The following TLE4 variants were observed in gnomAD, a reference collection of about 807,000 sequenced individuals.
The protein encoded by TLE4 is TLE family member 4, transcriptional corepressor.
TLE4 carries 8 observed loss-of-function variants against 92.8 expected under a neutral mutation model. The observed-to-expected ratio is 0.09, with a 90% CI of 0.05 to 0.16. The LOEUF (loss-of-function observed/expected upper bound fraction) is 0.16, where lower values mean the gene tolerates loss of function less well. Among genes scored for constraint, TLE4 ranks in the 10% least tolerant of loss-of-function variants. The pLI is 1.00. For synonymous variants in TLE4, 371 were observed against 374.1 expected (o/e 0.99, Z 0.10); for missense variants, 675 against 997.6 (o/e 0.68, Z 4.36).
intron 4 of TLE4, among the ~76,000 whole-genome samples, chr9:79,598,301 C>T (rs569203688): frequency 1.3e-5 from 2 of 151,926 alleles, no homozygotes; most frequent in Admixed American, 6.6e-5. Flanking sequence ...ATGCAATAGC[C>T]TCCTAACTGG....
chr9:79,579,227 A>G (rs1040580775), intron 4 of TLE4, among the ~76,000 whole-genome samples: 2 of 152,154 alleles, frequency 1.3e-5, no homozygotes, highest in African/African-American at 4.8e-5. Flanking sequence ...CTTCTTTGTA[A>G]ATACAGTGTG....
Position 79,723,024 on chromosome 9 carries a change from A to G in TLE4, c.2203A>G (p.Ser735Gly). 1 of 1,614,150 alleles carries G rather than the reference A, an allele frequency of 6.2e-7. No individual in the cohort carries two copies. Among genetic ancestry groups the G allele is most frequent in the Non-Finnish European group, 8.5e-7 (1 of 1,179,972 alleles). Residue 735 changes from serine to glycine, a missense_variant, in exon 19 of 20, where the codon AGT becomes GGT. Transcript: ENST00000376552. ...TGCCTGGAGAACACCTTATGGGGCC[A>G]GTATATTCCAGGTAACATGGAACTT... ...LNAWRTPYGA[S>G]IFQSKESSSV...
At chr9:79,679,734 G>A (rs1196049686) in intron 8 of TLE4, among the ~76,000 whole-genome samples, 2 of 152,074 alleles carry the variant, frequency 1.3e-5, no homozygotes, top group Non-Finnish European at 2.9e-5. Flanking sequence ...TTCTTCTAGG[G>A]TTTTTATGGT....
intron 4 of TLE4, among the ~76,000 whole-genome samples, chr9:79,586,363 A>C (rs1016131560): frequency 1.4e-5 from 2 of 147,614 alleles, no homozygotes; most frequent in African/African-American, 2.5e-5. Flanking sequence ...CTCTGTCACA[A>C]AAAAAAAAAA....
intron 7 of TLE4, 178 bp downstream of exon 7, chr9:79,652,972 T>C: frequency 5.1e-6 from 4 of 790,636 alleles, no homozygotes; most frequent in Non-Finnish European, 8.9e-6. Flanking sequence ...ATTCTAGTGG[T>C]TGGCAAGAGC....
chr9:79,688,623 T>A (rs2066391679), intron 8 of TLE4, among the ~76,000 whole-genome samples: 1 of 151,764 alleles, frequency 6.6e-6, no homozygotes, highest in African/African-American at 2.4e-5. Context: ...CACTAAACAC[T>A]GAGGCTTTGA....
chr9:79,625,005 ATTTCT>A (rs1554720555), intron 5 of TLE4, among the ~76,000 whole-genome samples: 1 of 111,286 alleles, frequency 9.0e-6, no homozygotes, highest in African/African-American at 3.3e-5. Flanking sequence ...TTTTAAATCT[ATTTCT>A]TTTCTTTTTT....
At chr9:79,579,015 G>A (rs951253134) in intron 4 of TLE4, among the ~76,000 whole-genome samples, 1 of 151,762 alleles carries the variant, frequency 6.6e-6, no homozygotes, top group Non-Finnish European at 1.5e-5. Context: ...TCAAGTTCTA[G>A]CATAAAAGTG....
chr9:79,665,929 A>T (rs2061318692), intron 8 of TLE4, among the ~76,000 whole-genome samples: 1 of 152,230 alleles, frequency 6.6e-6, no homozygotes, highest in South Asian at 2.1e-4. Context: ...AGAACAGTTA[A>T]CACGGATTAT....
chr9:79,582,436 C>T (rs927578146), intron 4 of TLE4, among the ~76,000 whole-genome samples: 12 of 152,148 alleles, frequency 7.9e-5, no homozygotes, highest in African/African-American at 2.9e-4. Context: ...TCTCTAGGTG[C>T]TGTTGCAGCA....
intron 15 of TLE4, among the ~76,000 whole-genome samples, chr9:79,719,797 TG>T (rs1405418287): frequency 6.6e-6 from 1 of 152,042 alleles, no homozygotes; most frequent in Non-Finnish European, 1.5e-5. Context: ...GTGGTGGGAG[TG>T]GGTCTAGAGC....
chr9:79,615,689 A>G (rs1025545348), intron 5 of TLE4, among the ~76,000 whole-genome samples: 3 of 152,178 alleles, frequency 2.0e-5, no homozygotes, highest in Admixed American at 6.6e-5. Context: ...TTTAGCTTTA[A>G]CTTCAAGACT....
At chr9:79,718,691 CCT>C (rs756964049) in intron 14 of TLE4, 29 bp from the exon 15 acceptor site, 13 of 1,586,784 alleles carry the variant, frequency 8.2e-6, no homozygotes, top group Middle Eastern at 1.7e-4. Context: ...TTTACATTCC[CCT>C]CTTTCTTTTT....
intron 6 of TLE4, among the ~76,000 whole-genome samples, chr9:79,636,790 C>T (rs985635841): frequency 6.6e-6 from 1 of 152,096 alleles, no homozygotes; most frequent in African/African-American, 2.4e-5. Context: ...CTTTTGTAGC[C>T]ATGAAGCCTA....
intron 8 of TLE4, among the ~76,000 whole-genome samples, chr9:79,660,844 C>T (rs2060428481): frequency 2.0e-5 from 3 of 152,114 alleles, no homozygotes; most frequent in South Asian, 2.1e-4. Context: ...GTGAGTGACT[C>T]GGGGAGACAC....
chr9:79,644,321 G>A (rs1317539107), intron 6 of TLE4, among the ~76,000 whole-genome samples: 1 of 152,090 alleles, frequency 6.6e-6, no homozygotes, highest in Admixed American at 6.5e-5. Context: ...TTAACTGTGA[G>A]TCAATCAAAC....
At chr9:79,651,819 A>G (rs2059045985) in intron 6 of TLE4, among the ~76,000 whole-genome samples, 1 of 152,172 alleles carries the variant, frequency 6.6e-6, no homozygotes, top group Admixed American at 6.5e-5. Context: ...CATGCTGTGC[A>G]GTGGTTCTGG....
rs202023681 is a variant in TLE4 at position 79,708,275 on chromosome 9, A to C, written c.1069+25A>C. 26 of 1,610,260 alleles carry C rather than the reference A, an allele frequency of 1.6e-5. No homozygotes were observed. The African/African-American group carries it at 3.5e-4, about 22-fold the overall frequency. On this transcript the variant is annotated intron_variant, in intron 12 of 19. Transcript: ENST00000376552. ...GGTTAGTAAGAAAAAAGTTTTTTCT[A>C]TATTTTTATGCTCGTTTTTAAGAAT...
chr9:79,717,959 C>G (rs1228357580), intron 14 of TLE4: 3 of 456,406 alleles, frequency 6.6e-6, no homozygotes, highest in African/African-American at 4.0e-5. Context: ...AAAAATGAGT[C>G]TGTTGGGGGA....
Sources: gnomAD v4.1 joint callset for allele counts (sites outside exome capture counted in the v4.1 genomes callset) on GRCh38, gnomAD v4.1.1 for gene constraint, MANE v1.5 for transcripts, NCBI Gene and HGNC (gene_info 2026-07-23, HGNC 2026-07-21) for gene names.